MPRIP: variants seen among roughly 807,000 people sequenced by gnomAD.
MPRIP encodes myosin phosphatase Rho-interacting protein.
In MPRIP, 59 loss-of-function variants were observed where a neutral mutation model predicts 234.9. The observed-to-expected ratio is 0.25, with a 90% CI of 0.20 to 0.31. The LOEUF (loss-of-function observed/expected upper bound fraction) is 0.31, where lower values mean the gene tolerates loss of function less well. Among genes scored for constraint, MPRIP ranks in the 10% least tolerant of loss-of-function variants. The probability of loss-of-function intolerance (pLI) is 1.00; values close to 1 mark genes in which losing one functional copy is unlikely to be tolerated. For missense variants in MPRIP, 2,436 were observed against 3,071.0 expected, an observed-to-expected ratio of 0.79 and a Z score of 4.89; for synonymous variants, 1,144 against 1,263.9, an observed-to-expected ratio of 0.91 and a Z score of 2.01.
chr17:17,116,725 C>G (rs568850195), intron 3 of MPRIP, among the ~76,000 whole-genome samples: 113 of 152,360 alleles, frequency 7.4e-4, no homozygotes, highest in African/African-American at 2.6e-3. Context: ...CCGCATGCAT[C>G]TGCAGCTGGG....
In MPRIP at chr17:17,042,861, A is replaced by G; in HGVS notation, c.13A>G (p.Lys5Glu). ...CGCCGCGCCGACCATGTCGGCAGCC[A>G]AGGAGAACCCGTGCAGGAAATTCCA... MSAA[K>E]ENPCRKFQAN... Residue 5 changes from lysine to glutamate, a missense_variant, in exon 1 of 24, where the codon AAG becomes GAG. This residue lies in a region of MPRIP where 140 missense variants were observed against 207.3 expected (regional missense o/e 0.68). Coordinates refer to ENST00000651222, the MANE Select transcript of MPRIP (RefSeq NM_001364716.4). 2.5e-6 allele frequency: 4 copies of G among 1,585,626 alleles called. No individual in the cohort carries two copies. Among genetic ancestry groups the G allele is most frequent in the East Asian group, 2.3e-5 (1 of 42,668 alleles).
At chr17:17,157,209 G>T (rs1252979905) in intron 13 of MPRIP, among the ~76,000 whole-genome samples, 1 of 152,170 alleles carries the variant, frequency 6.6e-6, no homozygotes, top group Non-Finnish European at 1.5e-5. Context: ...TACTGCAGAC[G>T]AGGCCTCCCC....
At chr17:17,148,262 T>C (rs1224641461) in intron 11 of MPRIP, among the ~76,000 whole-genome samples, 4 of 152,220 alleles carry the variant, frequency 2.6e-5, no homozygotes, top group Non-Finnish European at 5.9e-5. Flanking sequence ...TGCATGTGCA[T>C]AGAAGAGCAC....
chr17:17,180,756 C>A, intron 23 of MPRIP: 1 of 1,359,620 alleles, frequency 7.4e-7, no homozygotes, highest in Non-Finnish European at 1.0e-6. Context: ...TCAATTCATC[C>A]TGCTCCAACA....
chr17:17,140,493 C>T (rs1457985565), intron 7 of MPRIP, among the ~76,000 whole-genome samples: 2 of 152,156 alleles, frequency 1.3e-5, no homozygotes, highest in Non-Finnish European at 2.9e-5. Flanking sequence ...CACTGGATCC[C>T]TAGTAGCCCA....
chr17:17,087,353 T>G (rs1285955792), intron 3 of MPRIP, among the ~76,000 whole-genome samples: 6 of 152,198 alleles, frequency 3.9e-5, no homozygotes. Context: ...GGGAAGTGTG[T>G]GGGGCAGTTT....
chr17:17,058,326 A>G (rs1266091475), intron 1 of MPRIP, among the ~76,000 whole-genome samples: 2 of 149,488 alleles, frequency 1.3e-5, no homozygotes, highest in African/African-American at 4.9e-5. Flanking sequence ...ATCTAAGACT[A>G]TGGGGAATGG....
intron 23 of MPRIP, chr17:17,180,538 G>A: frequency 7.1e-7 from 1 of 1,417,252 alleles, no homozygotes; most frequent in Non-Finnish European, 1.0e-6. Flanking sequence ...AGGGCGGGCG[G>A]AGGTGGGAGC....
intron 3 of MPRIP, among the ~76,000 whole-genome samples, chr17:17,082,326 G>A (rs1183493102): frequency 2.9e-5 from 3 of 102,894 alleles, no homozygotes; most frequent in African/African-American, 1.2e-4. Context: ...ACGGAGTTTC[G>A]CTCTTGTTGC....
intron 13 of MPRIP, 56 bp downstream of exon 13, chr17:17,154,471 G>A (rs1379187922): frequency 2.6e-5 from 38 of 1,461,780 alleles, no homozygotes; most frequent in South Asian, 8.0e-5. Context: ...TGCCACTCCC[G>A]CCAGGGCAGT....
intron 14 of MPRIP, 67 bp downstream of exon 14, chr17:17,159,069 G>A: frequency 1.3e-6 from 2 of 1,503,766 alleles, no homozygotes; most frequent in African/African-American, 2.8e-5. Flanking sequence ...GCTGTGCCCA[G>A]CTGTGGCCTG....
chr17:17,050,418 C>T (rs1010720271), intron 1 of MPRIP, among the ~76,000 whole-genome samples: 6 of 151,662 alleles, frequency 4.0e-5, no homozygotes, highest in Non-Finnish European at 5.9e-5. Flanking sequence ...AAAGTTATGA[C>T]GTGCGCATTT....
intron 16 of MPRIP, chr17:17,171,479 C>T: frequency 2.0e-6 from 1 of 501,938 alleles, no homozygotes; most frequent in Admixed American, 3.8e-5. Context: ...AGTACAGTCA[C>T]AGAAATAAGA....
intron 5 of MPRIP, among the ~76,000 whole-genome samples, chr17:17,133,884 A>G (rs2090644705): frequency 6.6e-6 from 1 of 152,200 alleles, no homozygotes; most frequent in Non-Finnish European, 1.5e-5. Flanking sequence ...GAAGGAAACG[A>G]TGACCCATGT....
At chr17:17,136,583 C>A in intron 6 of MPRIP, 133 bp downstream of exon 6, 1 of 862,496 alleles carries the variant, frequency 1.2e-6, no homozygotes, top group Non-Finnish European at 1.8e-6. Flanking sequence ...GTCCATCAGC[C>A]CTGGGGGTAG....
At chr17:17,160,418 C>T (rs1269545229) in intron 14 of MPRIP, among the ~76,000 whole-genome samples, 1 of 152,222 alleles carries the variant, frequency 6.6e-6, no homozygotes, top group Non-Finnish European at 1.5e-5. Context: ...CACAGTCTGT[C>T]AGCACCCTGG....
intron 3 of MPRIP, among the ~76,000 whole-genome samples, chr17:17,118,643 T>A (rs1330752799): frequency 6.6e-6 from 1 of 151,918 alleles, no homozygotes; most frequent in East Asian, 1.9e-4. Flanking sequence ...GGGAAGGGAG[T>A]TCTGCCTGGT....
chr17:17,122,580 C>CCTGATCCGCCGTG (rs1039597797), intron 3 of MPRIP, among the ~76,000 whole-genome samples: 2 of 152,216 alleles, frequency 1.3e-5, no homozygotes, highest in African/African-American at 2.4e-5. Context: ...ATCTCGATCT[C>CCTGATCCGCCGTG]CTGACCTCGT....
At position 17,138,018 on chromosome 17, in the gene MPRIP, A is replaced by G. The variant is rs772188455; in HGVS notation, c.839A>G (p.Glu280Gly). The change falls in exon 7 of 24, where the codon GAA (glutamate) becomes GGA (glycine). Residue 280 changes from glutamate (E) to glycine (G), a missense_variant. Coordinates refer to ENST00000651222, the MANE Select transcript of MPRIP (RefSeq NM_001364716.4). The surrounding 1 kb of genome is among the most constrained non-coding windows in gnomAD (Gnocchi z 5.8). ...LEKTKQDLKA[E>G]EQQLPPPLSP... ...AAGACCAAACAGGACTTGAAGGCTG[A>G]AGAACAGCAGCTGCCCCCGCCGCTC... 3 of 1,611,662 alleles carry G rather than the reference A, an allele frequency of 1.9e-6. No homozygotes were observed. The highest frequency in any genetic ancestry group is 2.5e-6 in the Non-Finnish European group (3 of 1,179,242).
Sources: gnomAD v4.1 joint callset for allele counts (sites outside exome capture counted in the v4.1 genomes callset) on GRCh38, gnomAD v4.1.1 for gene constraint, gnomAD v4.1.1 regional missense constraint, Gnocchi (gnomAD v3.1) non-coding constraint, MANE v1.5 for transcripts, NCBI Gene and HGNC (gene_info 2026-07-23, HGNC 2026-07-21) for gene names.